SEMA6D: variants seen among roughly 807,000 people sequenced by gnomAD.
The protein encoded by SEMA6D is semaphorin-6D.
Under a neutral mutation model 106.6 loss-of-function variants are expected in SEMA6D, and 35 were observed. That is an observed-to-expected ratio of 0.33 (90% CI 0.25 to 0.44). The LOEUF (loss-of-function observed/expected upper bound fraction) is 0.44, where lower values mean the gene tolerates loss of function less well. Among genes scored for constraint, SEMA6D ranks in the 20% least tolerant of loss-of-function variants. The pLI, the probability that SEMA6D is intolerant of heterozygous loss-of-function variation, is 1.00. For missense variants in SEMA6D, 1,185 were observed against 1,345.9 expected (o/e 0.88, Z 1.87); for synonymous variants, 499 against 487.7 (o/e 1.02, Z -0.31).
chr15:47,185,403 G>A (rs1360880215), intron 1 of SEMA6D, among the ~76,000 whole-genome samples: 2 of 152,140 alleles, frequency 1.3e-5, no homozygotes, highest in South Asian at 4.1e-4. Context: ...TCAGAGTAAC[G>A]AAGATGGAGT....
chr15:47,631,005 A>T (rs10220897), intron 4 of SEMA6D, among the ~76,000 whole-genome samples: 16,946 of 151,766 alleles, frequency 0.11, 1,676 homozygotes, highest in African/African-American at 0.27. Context: ...TTGTTAAAAT[A>T]TTTTATAGAT....
intron 1 of SEMA6D, among the ~76,000 whole-genome samples, chr15:47,239,989 T>C (rs1008418022): frequency 3.3e-5 from 5 of 152,178 alleles, no homozygotes; most frequent in Non-Finnish European, 7.4e-5. Context: ...CCTTGATATA[T>C]CATAAATATT....
chr15:47,733,203 T>TA (rs1349314676), intron 1 of SEMA6D, among the ~76,000 whole-genome samples: 2 of 152,202 alleles, frequency 1.3e-5, no homozygotes, highest in Non-Finnish European at 2.9e-5. Flanking sequence ...TAATCTTTCT[T>TA]ATCACTTAAT....
intron 7 of SEMA6D, 21 bp downstream of exon 7, chr15:47,761,772 G>T: frequency 6.5e-7 from 1 of 1,549,798 alleles, no homozygotes; most frequent in Non-Finnish European, 8.8e-7. Flanking sequence ...TTAGCGTAAT[G>T]AATATAAATG....
intron 3 of SEMA6D, among the ~76,000 whole-genome samples, chr15:47,511,552 T>G (rs1236611597): frequency 6.6e-6 from 1 of 152,186 alleles, no homozygotes; most frequent in Non-Finnish European, 1.5e-5. Flanking sequence ...TCCTATATCT[T>G]GACACTATTG....
chr15:47,413,766 AG>A (rs2040873794), intron 2 of SEMA6D, among the ~76,000 whole-genome samples: 1 of 152,164 alleles, frequency 6.6e-6, no homozygotes, highest in Admixed American at 6.6e-5. Flanking sequence ...TACAGGGGTG[AG>A]CCACTGCATT....
In SEMA6D at chr15:47,766,664, A is replaced by G; in HGVS notation, c.1695A>G (p.Leu565=). 6.2e-7 allele frequency: 1 copy of G among 1,609,600 alleles called. No homozygotes were observed. The highest frequency in any genetic ancestry group is 1.3e-5 in the African/African-American group (1 of 74,886). ...CAGAATTCGGCAACACAGCTCATCT[A>G]GGGGACTGCCATGGTAAGACAGAAT... The part of the protein sequence containing the change: ...QDTEFGNTAH[L]GDCHEILPTS... The change falls in exon 16 of 19, where the codon CTA becomes CTG. Residue 565 remains leucine, a synonymous_variant. Transcript: ENST00000536845.
intron 1 of SEMA6D, among the ~76,000 whole-genome samples, chr15:47,321,846 T>A (rs1264684057): frequency 6.6e-6 from 1 of 152,160 alleles, no homozygotes; most frequent in Non-Finnish European, 1.5e-5. Flanking sequence ...AATAAAACAA[T>A]CTTTCTCCTA....
intron 3 of SEMA6D, among the ~76,000 whole-genome samples, chr15:47,522,680 C>T (rs917432188): frequency 2.0e-4 from 31 of 152,156 alleles, no homozygotes; most frequent in Admixed American, 1.5e-3. Context: ...ATGGTGTTAG[C>T]GACACTGCCT....
At chr15:47,263,619 C>A (rs923656001) in intron 1 of SEMA6D, among the ~76,000 whole-genome samples, 2 of 151,972 alleles carry the variant, frequency 1.3e-5, no homozygotes, top group Non-Finnish European at 2.9e-5. Context: ...TTAGTTCAAC[C>A]ATTGCGGAAG....
At chr15:47,202,436 G>T (rs1387301421) in intron 1 of SEMA6D, among the ~76,000 whole-genome samples, 1 of 152,028 alleles carries the variant, frequency 6.6e-6, no homozygotes, top group African/African-American at 2.4e-5. Context: ...GGTAAGGGAA[G>T]AATGCCTCAA....
chr15:47,557,273 G>T (rs1050437888), intron 3 of SEMA6D, among the ~76,000 whole-genome samples: 4 of 152,116 alleles, frequency 2.6e-5, no homozygotes, highest in Non-Finnish European at 5.9e-5. Flanking sequence ...CTGCACTTTT[G>T]CAAAGTTCTC....
Position 47,430,479 on chromosome 15 carries a change from A to G in SEMA6D, c.-159+18007A>G, listed in dbSNP as rs534062954. Among the ~76,000 whole-genome samples the G allele has an allele frequency of 1.1e-4, 16 of 151,992 alleles. 1 individual carries two copies. The South Asian group carries it at 3.3e-3, about 32-fold the overall frequency. On this transcript the variant is annotated intron_variant, in intron 2 of 19. Coordinates refer to the SEMA6D transcript ENST00000558014. ...ATAATTGTGCTTCCTCAAAAATAAA[A>G]TATATATTTTTTACTCAGGTAGATG...
At chr15:47,407,084 G>T (rs1163811503) in intron 1 of SEMA6D, among the ~76,000 whole-genome samples, 1 of 152,030 alleles carries the variant, frequency 6.6e-6, no homozygotes, top group Admixed American at 6.6e-5. Context: ...GTTGTAGGCC[G>T]GGCCGGGGGG....
At chr15:47,244,302 A>C (rs1428048557) in intron 1 of SEMA6D, among the ~76,000 whole-genome samples, 1 of 152,176 alleles carries the variant, frequency 6.6e-6, no homozygotes, top group Non-Finnish European at 1.5e-5. Flanking sequence ...GACTTAGGCC[A>C]AATTGGTTAA....
chr15:47,217,558 C>T (rs1014581892), intron 1 of SEMA6D, among the ~76,000 whole-genome samples: 13 of 130,560 alleles, frequency 1.0e-4, no homozygotes, highest in East Asian at 6.2e-4. Flanking sequence ...ACAAACCACG[C>T]GTGCACGGGT....
chr15:47,298,774 C>T lies in SEMA6D; in HGVS notation c.-238-113619C>T, dbSNP rs77758333. Among the ~76,000 whole-genome samples, 172 of 152,262 alleles carry T rather than the reference C, an allele frequency of 1.1e-3. 2 individuals are homozygous for T. The East Asian group carries it at 0.027, about 24-fold the overall frequency. ...AATAACCAACTCTTCTGACCCAGCT[C>T]TGGGCCCAGCTTCTCCAGCATGTTG... On this transcript the variant is annotated intron_variant, in intron 1 of 19. Transcript: ENST00000558014.
intron 1 of SEMA6D, among the ~76,000 whole-genome samples, chr15:47,321,107 A>G (rs987324175): frequency 5.9e-5 from 9 of 152,226 alleles, no homozygotes; most frequent in Non-Finnish European, 1.5e-5. Flanking sequence ...CTCATGCAGT[A>G]TTAACCAGAT....
intron 3 of SEMA6D, among the ~76,000 whole-genome samples, chr15:47,479,100 A>G (rs1399336103): frequency 6.6e-6 from 1 of 152,106 alleles, no homozygotes; most frequent in African/African-American, 2.4e-5. Flanking sequence ...CAGCCAAACC[A>G]TATCAGCCAT....
Sources: allele counts gnomAD v4.1 joint callset (sites outside exome capture counted in the v4.1 genomes callset), GRCh38; gene constraint gnomAD v4.1.1; transcripts MANE v1.5; gene names NCBI Gene and HGNC (gene_info 2026-07-23, HGNC 2026-07-21).